Variants in PBX4 observed in about 807,000 individuals in gnomAD.
PBX4 encodes PBX homeobox 4.
PBX4 carries 26 observed loss-of-function variants against 35.1 expected under a neutral mutation model. The ratio of observed to expected loss-of-function variants is 0.74; its 90% CI spans 0.54 to 1.03. The LOEUF is 1.03. Among genes scored for constraint, PBX4 ranks in the 50% least tolerant of loss-of-function variants. The pLI is 0.00. For missense variants in PBX4, 448 were observed against 504.3 expected (o/e 0.89, Z 1.07); for synonymous variants, 199 against 204.2 (o/e 0.97, Z 0.22).
At chr19:19,578,015 T>TAAAAAA in intron 2 of PBX4, among the ~76,000 whole-genome samples, 1 of 73,380 alleles carries the variant, frequency 1.4e-5, no homozygotes, top group Non-Finnish European at 2.5e-5. Context: ...CCATCTCTAC[T>TAAAAAA]AAAAAAAAAA....
In PBX4 at chr19:19,562,242, T is replaced by A; in HGVS notation, c.1033-125A>T. On this transcript the variant is annotated intron_variant, in intron 7 of 7. Coordinates refer to ENST00000251203, the MANE Select transcript of PBX4 (RefSeq NM_025245.3). This position sits in a 1 kb window ranked among gnomAD's most constrained non-coding sequence, Gnocchi z 4.8. ...GCTTGGAAAAGATCCACAGATGACC[T>A]CCAGCTCAGTGGAGGAGGGAAGGGA... 1.5e-6 allele frequency: 1 copy of A among 654,002 alleles called. No individual in the cohort carries two copies. Among genetic ancestry groups the A allele is most frequent in the South Asian group, 2.1e-5 (1 of 48,482 alleles). The allele number at this position is 654,002 out of a possible 1,614,324, so 40.5% of individuals were successfully genotyped here.
At chr19:19,564,707 T>G (rs1482020414) in intron 6 of PBX4, 2 of 582,202 alleles carry the variant, frequency 3.4e-6, no homozygotes, top group Non-Finnish European at 5.9e-6. Context: ...AGACCTTTCA[T>G]GTCTTTTCTT....
chr19:19,575,797 C>T (rs948780859), intron 2 of PBX4, among the ~76,000 whole-genome samples: 1 of 152,186 alleles, frequency 6.6e-6, no homozygotes, highest in African/African-American at 2.4e-5. Context: ...CACAGATGTC[C>T]CACGTGCCCC....
rs1375672453 is a variant in PBX4, at chr19:19,611,389, A to T, written c.119+7122T>A. On this transcript the variant is annotated intron_variant, in intron 1 of 7. Transcript: ENST00000251203. Reference sequence around the variant, plus strand: ...AGGTCATAATAGTAAAAATCAAATTAAAAAGAGAAGGCCGGGCATGGTGGC... The same window carrying T: ...AGGTCATAATAGTAAAAATCAAATTTAAAAGAGAAGGCCGGGCATGGTGGC... 2.0e-5 allele frequency among the ~76,000 whole-genome samples: 3 copies of T among 152,252 alleles called. No homozygotes were observed. The East Asian group carries it at 5.8e-4, about 29-fold the overall frequency.
intron 1 of PBX4, among the ~76,000 whole-genome samples, chr19:19,605,840 A>ATTTT (rs71338333): frequency 2.4e-5 from 3 of 123,056 alleles, no homozygotes; most frequent in East Asian, 2.3e-4. Flanking sequence ...AGGCTCTAGG[A>ATTTT]TTTTTTTTTT....
At chr19:19,588,725 TAGC>T in intron 2 of PBX4, among the ~76,000 whole-genome samples, 1 of 152,288 alleles carries the variant, frequency 6.6e-6, no homozygotes, top group Non-Finnish European at 1.5e-5. Flanking sequence ...GTAACCAGCC[TAGC>T]AACATGCACA....
At chr19:19,601,772 A>G (rs1405823414) in intron 1 of PBX4, among the ~76,000 whole-genome samples, 1 of 152,190 alleles carries the variant, frequency 6.6e-6, no homozygotes, top group Non-Finnish European at 1.5e-5. Flanking sequence ...CAGGCTGGAA[A>G]AGGCAAGGAA....
intron 2 of PBX4, among the ~76,000 whole-genome samples, chr19:19,586,857 G>C (rs1383864635): frequency 6.6e-6 from 1 of 151,860 alleles, no homozygotes; most frequent in Non-Finnish European, 1.5e-5. Context: ...TTTGAACCCA[G>C]GAGGTGAAGG....
At chr19:19,597,346 C>A (rs192123864) in intron 2 of PBX4, among the ~76,000 whole-genome samples, 276 of 152,326 alleles carry the variant, frequency 1.8e-3, no homozygotes, top group Middle Eastern at 0.014. Flanking sequence ...CTTCTGAAGG[C>A]TGGGCACCAT....
intron 2 of PBX4, among the ~76,000 whole-genome samples, chr19:19,594,524 C>T (rs1471587059): frequency 6.6e-6 from 1 of 152,106 alleles, no homozygotes; most frequent in Non-Finnish European, 1.5e-5. Context: ...TTGGTATCAA[C>T]TCTTGTTTTC....
chr19:19,563,565 G>A lies in PBX4; in HGVS notation c.976C>T (p.Leu326=). The A allele has an allele frequency of 6.4e-7, 1 of 1,550,564 alleles. No homozygotes were observed. The highest frequency in any genetic ancestry group is 8.7e-7 in the Non-Finnish European group (1 of 1,147,136). ...LPSAGDAFLT[L]RTLASLQPPP... is the part of the protein sequence containing the mutation. ...GGCTGGAGAGAGGCCAGAGTCCGCA[G>A]GGTGAGGAAGGCGTCCCCAGCGCTG... The change falls in exon 7 of 8, where the codon CTG becomes TTG. Residue 326 remains leucine, a synonymous_variant. Coordinates refer to ENST00000251203, the MANE Select transcript of PBX4 (RefSeq NM_025245.3). The surrounding 1 kb of genome is among the most constrained non-coding windows in gnomAD (Gnocchi z 5.1).
At chr19:19,615,886 TCACACACA>T (rs377323785) in intron 1 of PBX4, among the ~76,000 whole-genome samples, 1 of 150,204 alleles carries the variant, frequency 6.7e-6, no homozygotes, top group African/African-American at 2.4e-5. Flanking sequence ...TGAGAGTCCG[TCACACACA>T]CACACACACA....
intron 4 of PBX4, among the ~76,000 whole-genome samples, chr19:19,569,852 G>A (rs886609535): frequency 1.3e-5 from 2 of 152,198 alleles, no homozygotes; most frequent in African/African-American, 4.8e-5. Flanking sequence ...GGAGGTTGTG[G>A]TGAGTGGAGA....
chr19:19,617,462 T>C (rs1222780253), intron 1 of PBX4, among the ~76,000 whole-genome samples: 6 of 152,112 alleles, frequency 3.9e-5, no homozygotes, highest in Non-Finnish European at 7.4e-5. Context: ...AATTTTATTT[T>C]TAGTAGAGAC....
In PBX4 at chr19:19,562,458, T is replaced by C. The variant is rs968699861; in HGVS notation, c.1033-341A>G. 1.3e-4 allele frequency among the ~76,000 whole-genome samples: 20 copies of C among 151,976 alleles called. No homozygotes were observed. The highest frequency in any genetic ancestry group is 2.2e-4 in the Non-Finnish European group (15 of 67,974). ...GCAAGGTCAGGCCTGGAGCCCATGATGACGCCCGGAGCGTCATGGTGAGAC... is the reference window on the plus strand; with the variant it reads ...GCAAGGTCAGGCCTGGAGCCCATGACGACGCCCGGAGCGTCATGGTGAGAC... On this transcript the variant is annotated intron_variant, in intron 7 of 7. Transcript: ENST00000251203. This position sits in a 1 kb window ranked among gnomAD's most constrained non-coding sequence, Gnocchi z 4.8.
intron 1 of PBX4, among the ~76,000 whole-genome samples, chr19:19,604,042 T>C (rs1011941978): frequency 6.6e-6 from 1 of 151,930 alleles, no homozygotes; most frequent in Admixed American, 6.6e-5. Context: ...GCTATTAACA[T>C]TTACTATTAT....
At chr19:19,598,637 T>C (rs1250735548) in intron 2 of PBX4, among the ~76,000 whole-genome samples, 1 of 152,216 alleles carries the variant, frequency 6.6e-6, no homozygotes, top group Non-Finnish European at 1.5e-5. Flanking sequence ...TCTGTCATTT[T>C]TCCTTTTTCT....
At position 19,563,632 on chromosome 19, in the gene PBX4, C is replaced by T; in HGVS notation, c.926-17G>A. The T allele has an allele frequency of 6.5e-7, 1 of 1,544,902 alleles. No homozygotes were observed. Among genetic ancestry groups the T allele is most frequent in the Non-Finnish European group, 8.7e-7 (1 of 1,143,448 alleles). On this transcript the variant is annotated splice_polypyrimidine_tract_variant and intron_variant, in intron 6 of 7. Coordinates refer to ENST00000251203, the MANE Select transcript of PBX4 (RefSeq NM_025245.3). This position sits in a 1 kb window ranked among gnomAD's most constrained non-coding sequence, Gnocchi z 5.1. ...CAGAGGAGCCTGGAAGAGATGGGAG[C>T]CGGGGTGGGCAGAGTCGTGGCGCCT...
chr19:19,576,555 C>T (rs944587860), intron 2 of PBX4, among the ~76,000 whole-genome samples: 1 of 151,790 alleles, frequency 6.6e-6, no homozygotes, highest in Non-Finnish European at 1.5e-5. Context: ...AAATCATTTA[C>T]TTATCCAACA....
Sources: gnomAD v4.1 joint callset for allele counts (sites outside exome capture counted in the v4.1 genomes callset) on GRCh38, gnomAD v4.1.1 for gene constraint, Gnocchi (gnomAD v3.1) non-coding constraint, MANE v1.5 for transcripts, NCBI Gene and HGNC (gene_info 2026-07-23, HGNC 2026-07-21) for gene names.